The following ABL2 variants were observed in gnomAD, a reference collection of about 807,000 sequenced individuals.
The protein encoded by ABL2 is tyrosine-protein kinase ABL2.
Under a neutral mutation model 107.7 loss-of-function variants are expected in ABL2, and 49 were observed. The observed-to-expected ratio is 0.45, with a 90% CI of 0.36 to 0.58. ABL2 has a LOEUF of 0.58. Among genes scored for constraint, ABL2 ranks in the 20% least tolerant of loss-of-function variants. The pLI, the probability that ABL2 is intolerant of heterozygous loss-of-function variation, is 0.00. For synonymous variants in ABL2, 549 were observed against 548.6 expected (o/e 1.00, Z -0.01); for missense variants, 1,245 against 1,457.0 (o/e 0.85, Z 2.37).
At chr1:179,147,195 A>AAAAAC (rs2102721087) in intron 1 of ABL2, among the ~76,000 whole-genome samples, 1 of 150,184 alleles carries the variant, frequency 6.7e-6, no homozygotes, top group African/African-American at 2.4e-5. Flanking sequence ...AAAAAAAAAA[A>AAAAAC]AAAAAAAAAA....
At chr1:179,127,463 G>A (rs1486148466) in intron 3 of ABL2, among the ~76,000 whole-genome samples, 2 of 152,118 alleles carry the variant, frequency 1.3e-5, no homozygotes, top group Non-Finnish European at 2.9e-5. Context: ...GTGTATCTTT[G>A]CTGTCAACTT....
chr1:179,119,981 G>C (rs1344931526), intron 6 of ABL2, among the ~76,000 whole-genome samples: 1 of 151,994 alleles, frequency 6.6e-6, no homozygotes, highest in African/African-American at 2.4e-5. Context: ...GTTTGGGGGA[G>C]GAAAAAAGGC....
At chr1:179,174,278 ACT>A (rs1424290726) in intron 1 of ABL2, among the ~76,000 whole-genome samples, 1 of 149,160 alleles carries the variant, frequency 6.7e-6, no homozygotes, top group Admixed American at 6.7e-5. Context: ...AAAGAGCAAG[ACT>A]CTGTCTCCAA....
chr1:179,140,461 C>T (rs190843376), intron 1 of ABL2, among the ~76,000 whole-genome samples: 6 of 152,308 alleles, frequency 3.9e-5, no homozygotes, highest in Admixed American at 2.6e-4. Context: ...TACCACCAAA[C>T]ATAGTGTATA....
rs144011253 is a variant in ABL2 at position 179,147,419 on chromosome 1, T to G, written c.158-14045A>C. ...CAAAAAGACACTTGCACTCCATATA[T>G]TTATTGTAGCACTATTCACAATAGC... On this transcript the variant is annotated intron_variant, in intron 1 of 11. Transcript: ENST00000502732. Among the ~76,000 whole-genome samples the G allele has an allele frequency of 2.1e-3, 327 of 152,306 alleles. 6 individuals carry two copies. In the South Asian group the frequency reaches 0.024, roughly 11 times the overall value.
chr1:179,202,719 A>T (rs1048019317), intron 1 of ABL2, among the ~76,000 whole-genome samples: 2 of 152,218 alleles, frequency 1.3e-5, no homozygotes, highest in Non-Finnish European at 2.9e-5. Context: ...ACTTAATATG[A>T]GCTCAACAGA....
At chr1:179,151,457 T>C (rs995312251) in intron 1 of ABL2, among the ~76,000 whole-genome samples, 1 of 152,238 alleles carries the variant, frequency 6.6e-6, no homozygotes, top group East Asian at 1.9e-4. Flanking sequence ...CTCTATACTA[T>C]ATTTAATATA....
Position 179,108,318 on chromosome 1 carries a change from G to T in ABL2, c.2949C>A (p.Ala983=). Residue 983 remains alanine, a synonymous_variant, in exon 12 of 12, where the codon GCC becomes GCA. Coordinates refer to ENST00000502732, the MANE Select transcript of ABL2 (RefSeq NM_007314.4). ...DRPRRVKPKC[A]PPPPPVMRLL... is the part of the protein sequence containing the mutation. ...GTCTCATCACTGGTGGTGGGGGTGGGGCACACTTTGGTTTTACCCGTCGGG... is the reference window on the plus strand; with the variant it reads ...GTCTCATCACTGGTGGTGGGGGTGGTGCACACTTTGGTTTTACCCGTCGGG... The T allele has an allele frequency of 6.2e-7, 1 of 1,614,134 alleles. No homozygotes were observed.
At position 179,167,733 on chromosome 1, in the gene ABL2, C is replaced by T. The variant is rs182901380; in HGVS notation, c.158-34359G>A. Among the ~76,000 whole-genome samples the T allele has an allele frequency of 3.6e-3, 545 of 152,236 alleles. 3 individuals are homozygous for T. Among genetic ancestry groups the T allele is most frequent in the Non-Finnish European group, 5.5e-3 (371 of 68,006 alleles). Reference sequence around the variant, plus strand: ...AAACATTTTTTTAAAAACAGAAATACAGGCTGGGCACCAAGGTGGGAAGAT... The same window carrying T: ...AAACATTTTTTTAAAAACAGAAATATAGGCTGGGCACCAAGGTGGGAAGAT... On this transcript the variant is annotated intron_variant, in intron 1 of 11. Coordinates refer to ENST00000502732, the MANE Select transcript of ABL2 (RefSeq NM_007314.4).
intron 1 of ABL2, among the ~76,000 whole-genome samples, chr1:179,210,492 ACT>A (rs1662203672): frequency 2.3e-5 from 3 of 131,594 alleles, no homozygotes; most frequent in Admixed American, 9.3e-5. Flanking sequence ...ATAGAGCAAG[ACT>A]CTAACTCACA....
intron 1 of ABL2, among the ~76,000 whole-genome samples, chr1:179,153,888 TTTTGTTCCTACTCCTGG>T (rs141681775): frequency 0.064 from 9,666 of 152,192 alleles, 429 homozygotes; most frequent in Non-Finnish European, 0.089. Context: ...CAAAAATCCA[TTTTGTTCCTACTCCTGG>T]TTTGTTTCTC....
rs71108091 is a variant in ABL2, at chr1:179,101,377, C to CTT, written c.*6339_*6340dup. 0.013 allele frequency: 2,199 copies of CTT among 168,166 alleles called. 1 individual carries two copies. Among genetic ancestry groups the CTT allele is most frequent in the East Asian group, 0.034 (336 of 9,968 alleles). The allele number at this position is 168,166 out of a possible 1,614,324, so 10.4% of individuals were successfully genotyped here. A position where few individuals can be genotyped will look rare whatever the true frequency, so the allele number is the denominator to read the frequency against. On this transcript the variant is annotated 3_prime_UTR_variant, in exon 12 of 12. Transcript: ENST00000502732. Reference sequence around the variant, plus strand: ...ATATTGAGTCAGAAATGAAGGTATCCTTTTTTTTTTTTTTCTTCTTAACGT... The same window carrying CTT: ...ATATTGAGTCAGAAATGAAGGTATCCTTTTTTTTTTTTTTTTCTTCTTAACGT...
chr1:179,108,888 C>T lies in ABL2; in HGVS notation c.2379G>A (p.Glu793=), dbSNP rs1557906080. Residue 793 remains glutamate (E), a synonymous_variant, in exon 12 of 12, where the codon GAG becomes GAA. Transcript: ENST00000502732. The part of the protein sequence containing the change: ...STSSMSSGLP[E]QDRMAMTLPR... ...GAAGGGTCATTGCCATCCTATCCTG[C>T]TCTGGAAGCCCTGAGGACATGGAAG... 6.2e-7 allele frequency: 1 copy of T among 1,614,180 alleles called. No homozygotes were observed. Among genetic ancestry groups the T allele is most frequent in the Non-Finnish European group, 8.5e-7 (1 of 1,180,028 alleles).
At chr1:179,151,714 AAATTT>A (rs145062874) in intron 1 of ABL2, among the ~76,000 whole-genome samples, 37 of 152,350 alleles carry the variant, frequency 2.4e-4, no homozygotes, top group African/African-American at 8.4e-4. Flanking sequence ...GAATAAAATT[AAATTT>A]AAGTAACTAT....
intron 1 of ABL2, chr1:179,196,379 A>T (rs112432637): frequency 6.6e-6 from 1 of 152,190 alleles, no homozygotes; most frequent in Non-Finnish European, 1.5e-5. Flanking sequence ...ACAAGCCACA[A>T]ATATGGTGGA....
At position 179,101,283 on chromosome 1, in the gene ABL2, G is replaced by C. The variant is rs925322990; in HGVS notation, c.*6435C>G. 7.4e-5 allele frequency: 16 copies of C among 215,758 alleles called. No homozygotes were observed. The highest frequency in any genetic ancestry group is 3.6e-4 in the African/African-American group (16 of 44,232). 13.4% of individuals were successfully genotyped at this position (215,758 alleles called of 1,614,324 possible). ...CACAGGCCTCCTTACCTGGGAAGAAGTATGGGATCTTCTTATCTTGATCCC... is the reference window on the plus strand; with the variant it reads ...CACAGGCCTCCTTACCTGGGAAGAACTATGGGATCTTCTTATCTTGATCCC... On this transcript the variant is annotated 3_prime_UTR_variant, in exon 12 of 12. Coordinates refer to ENST00000502732, the MANE Select transcript of ABL2 (RefSeq NM_007314.4).
intron 1 of ABL2, chr1:179,143,033 C>G: frequency 6.2e-7 from 1 of 1,614,088 alleles, no homozygotes; most frequent in South Asian, 1.1e-5. Flanking sequence ...GGAGAACTGT[C>G]CCAAGGACCA....
In ABL2 at chr1:179,102,919, A is replaced by G; in HGVS notation, c.*4799T>C. ...CCTAGAAAAGTAATTCCCAAAGTGC[A>G]CTGGTTTTATGGCCATCCACCTCCC... On this transcript the variant is annotated 3_prime_UTR_variant, in exon 12 of 12. Coordinates refer to ENST00000502732, the MANE Select transcript of ABL2 (RefSeq NM_007314.4). 4.4e-6 allele frequency: 1 copy of G among 226,646 alleles called. No individual in the cohort carries two copies. Among genetic ancestry groups the G allele is most frequent in the East Asian group, 6.4e-5 (1 of 15,736 alleles). The allele number at this position is 226,646 out of a possible 1,614,324, so 14.0% of individuals were successfully genotyped here. A position where few individuals can be genotyped will look rare whatever the true frequency, so the allele number is the denominator to read the frequency against.
chr1:179,228,778 C>G (rs562542125), intron 1 of ABL2, among the ~76,000 whole-genome samples: 1 of 152,338 alleles, frequency 6.6e-6, no homozygotes, highest in East Asian at 1.9e-4. Context: ...CATCACCTAA[C>G]GTAAACACAT....
Sources: allele counts gnomAD v4.1 joint callset (sites outside exome capture counted in the v4.1 genomes callset), GRCh38; gene constraint gnomAD v4.1.1; transcripts MANE v1.5; gene names NCBI Gene and HGNC (gene_info 2026-07-23, HGNC 2026-07-21).